The following EPG5 variants were observed in gnomAD, a reference collection of about 807,000 sequenced individuals.
EPG5 encodes the protein ectopic P-granules 5 autophagy tethering factor.
A neutral mutation model predicts 302.7 loss-of-function variants in EPG5; 159 were observed. That is an observed-to-expected ratio of 0.53 (90% CI 0.46 to 0.60). The LOEUF is 0.60. Among genes scored for constraint, EPG5 ranks in the 20% least tolerant of loss-of-function variants. The pLI, the probability that EPG5 is intolerant of heterozygous loss-of-function variation, is 0.00. For synonymous variants in EPG5, 1,158 were observed against 1,136.8 expected (o/e 1.02, Z -0.37); for missense variants, 2,896 against 3,092.4 (o/e 0.94, Z 1.51).
At chr18:45,877,935 T>C (rs1227596352) in intron 34 of EPG5, among the ~76,000 whole-genome samples, 1 of 152,232 alleles carries the variant, frequency 6.6e-6, no homozygotes, top group Non-Finnish European at 1.5e-5. Flanking sequence ...TCTAAGTATT[T>C]CAAATGCTTG....
chr18:45,815,102 T>C, the EPG5 span, among the ~76,000 whole-genome samples: 2 of 152,206 alleles, frequency 1.3e-5, no homozygotes, highest in African/African-American at 4.8e-5. Context: ...GATCTGTTAC[T>C]AGCTGTGTGA....
chr18:45,860,017 G>A (rs2145207841), intron 40 of EPG5, 87 bp downstream of exon 40: 3 of 1,499,304 alleles, frequency 2.0e-6, no homozygotes, highest in Non-Finnish European at 2.7e-6. Flanking sequence ...TCACTGGGAA[G>A]AGTCTGGAAA....
rs547791146 is a variant in EPG5, at chr18:45,875,849, G to A, written c.6049+387C>T. On this transcript the variant is annotated intron_variant, in intron 35 of 43. Transcript: ENST00000282041. ...GCGGGCAGATAGCCTGAGCTCAGGAGTTTGAGACCAGCCTGGGCAACATGG... is the reference window on the plus strand; with the variant it reads ...GCGGGCAGATAGCCTGAGCTCAGGAATTTGAGACCAGCCTGGGCAACATGG... Among the ~76,000 whole-genome samples, 95 of 152,284 alleles carry A rather than the reference G, an allele frequency of 6.2e-4. 1 individual carries two copies. Among genetic ancestry groups the A allele is most frequent in the African/African-American group, 2.2e-3 (90 of 41,572 alleles).
chr18:45,811,607 T>A, the EPG5 span, among the ~76,000 whole-genome samples: 1 of 152,334 alleles, frequency 6.6e-6, no homozygotes, highest in East Asian at 1.9e-4. Flanking sequence ...CAAGGCTGGT[T>A]CAGCATACGC....
intron 27 of EPG5, among the ~76,000 whole-genome samples, chr18:45,894,468 T>C (rs954265426): frequency 6.6e-6 from 1 of 151,334 alleles, no homozygotes; most frequent in Non-Finnish European, 1.5e-5. Context: ...ATAATAATAA[T>C]AATAATAATA....
At chr18:45,886,728 C>T (rs896290688) in intron 29 of EPG5, among the ~76,000 whole-genome samples, 6 of 151,978 alleles carry the variant, frequency 3.9e-5, no homozygotes, top group South Asian at 2.1e-4. Flanking sequence ...GCATGATTTC[C>T]GCTCACCGCA....
intron 13 of EPG5, among the ~76,000 whole-genome samples, chr18:45,926,246 A>C (rs2050264965): frequency 1.3e-5 from 2 of 152,168 alleles, no homozygotes; most frequent in South Asian, 4.1e-4. Context: ...AGAATTTAGC[A>C]CTTTAAGTAA....
intron 27 of EPG5, among the ~76,000 whole-genome samples, chr18:45,899,113 C>T (rs908711059): frequency 3.4e-4 from 51 of 151,928 alleles, no homozygotes; most frequent in African/African-American, 1.0e-3. Context: ...GACTCCGTTT[C>T]AAAAAACAAA....
chr18:45,879,746 A>G (rs1449293568), intron 32 of EPG5, among the ~76,000 whole-genome samples: 2 of 152,216 alleles, frequency 1.3e-5, no homozygotes, highest in East Asian at 3.9e-4. Context: ...CATATCAAAC[A>G]GAAAGGATAA....
the EPG5 span, chr18:45,842,247 G>T: frequency 6.3e-7 from 1 of 1,579,344 alleles, no homozygotes. Context: ...CCAGTGCGAG[G>T]CTTGGCTGGC....
At chr18:45,833,065 G>A in the EPG5 span, among the ~76,000 whole-genome samples, 3 of 152,164 alleles carry the variant, frequency 2.0e-5, no homozygotes, top group African/African-American at 7.2e-5. Flanking sequence ...CCCAGGGAGG[G>A]AGGGGCCCAG....
At position 45,867,564 on chromosome 18, in the gene EPG5, G is replaced by A; in HGVS notation, c.6410C>T (p.Thr2137Ile). The change falls in exon 37 of 44, where the codon ACA becomes ATA. Residue 2137 changes from threonine to isoleucine, a missense_variant and splice_region_variant. Around this residue, in one of 5 missense-constraint regions of EPG5, gnomAD observed 620 missense variants for 704.2 expected, o/e 0.88. Coordinates refer to ENST00000282041, the MANE Select transcript of EPG5 (RefSeq NM_020964.3). Reference sequence around the variant, plus strand: ...TTGCCATAAGCTTCCCAAACTTACTGTTTGGTCTACCAGTTGAACTTCCTT... The same window carrying A: ...TTGCCATAAGCTTCCCAAACTTACTATTTGGTCTACCAGTTGAACTTCCTT... Reference protein sequence around the residue: ...LAKEVQLVDQTDSPLLSLLGQ... With the variant: ...LAKEVQLVDQIDSPLLSLLGQ... The A allele has an allele frequency of 6.2e-7, 1 of 1,613,188 alleles. No individual in the cohort carries two copies. The highest frequency in any genetic ancestry group is 1.3e-5 in the African/African-American group (1 of 74,944).
the EPG5 span, among the ~76,000 whole-genome samples, chr18:45,820,212 G>A: frequency 1.1e-3 from 169 of 152,314 alleles, no homozygotes; most frequent in African/African-American, 4.0e-3. Flanking sequence ...GAATGAGCAA[G>A]AGGGCATGGC....
intron 34 of EPG5, among the ~76,000 whole-genome samples, chr18:45,877,941 G>A (rs1191007384): frequency 6.6e-6 from 1 of 152,170 alleles, no homozygotes; most frequent in African/African-American, 2.4e-5. Flanking sequence ...TATTTCAAAT[G>A]CTTGTGAAAT....
intron 10 of EPG5, among the ~76,000 whole-genome samples, chr18:45,937,624 C>G (rs2050568875): frequency 6.6e-6 from 1 of 152,042 alleles, no homozygotes; most frequent in South Asian, 2.1e-4. Flanking sequence ...CCAGGCTGGT[C>G]TTGAACTCCT....
chr18:45,911,583 C>T (rs1442073088), intron 22 of EPG5, among the ~76,000 whole-genome samples: 6 of 151,886 alleles, frequency 4.0e-5, no homozygotes, highest in East Asian at 3.9e-4. Flanking sequence ...TGAGCCACCG[C>T]GCCTGGCCGT....
intron 24 of EPG5, among the ~76,000 whole-genome samples, chr18:45,905,054 A>G (rs8086343): frequency 0.18 from 27,396 of 152,086 alleles, 2,742 homozygotes; most frequent in Admixed American, 0.3. Context: ...CAGGTGTCAA[A>G]TAAGTAAATA....
At chr18:45,811,306 T>A in the EPG5 span, among the ~76,000 whole-genome samples, 5 of 152,120 alleles carry the variant, frequency 3.3e-5, no homozygotes, top group Non-Finnish European at 5.9e-5. Flanking sequence ...ATAAAAGAAT[T>A]CAGCAGTTTC....
chr18:45,807,060 G>A, the EPG5 span, among the ~76,000 whole-genome samples: 10 of 152,324 alleles, frequency 6.6e-5, no homozygotes, highest in African/African-American at 2.2e-4. Context: ...AGTGAGACCA[G>A]CCCTTCGGAT....
Sources: allele counts gnomAD v4.1 joint callset (sites outside exome capture counted in the v4.1 genomes callset), GRCh38; gene constraint gnomAD v4.1.1; regional missense constraint gnomAD v4.1.1; transcripts MANE v1.5; gene names NCBI Gene and HGNC (gene_info 2026-07-23, HGNC 2026-07-21).